PEX11G: variants seen among roughly 807,000 people sequenced by gnomAD.
PEX11G encodes peroxisomal biogenesis factor 11 gamma, also known as peroxisomal membrane protein 11C.
Under a neutral mutation model 22.5 loss-of-function variants are expected in PEX11G, and 20 were observed. The ratio of observed to expected loss-of-function variants is 0.89; its 90% CI spans 0.62 to 1.29. The LOEUF is 1.29. Ranked by LOEUF, PEX11G falls within the 50% of genes most tolerant of loss-of-function variation. The pLI, the probability that PEX11G is intolerant of heterozygous loss-of-function variation, is 0.00. For missense variants in PEX11G, 347 were observed against 331.3 expected (o/e 1.05, Z -0.37); for synonymous variants, 141 against 154.5 (o/e 0.91, Z 0.65).
chr19:7,477,425 CG>C lies in PEX11G; in HGVS notation c.502del (p.Arg168GlyfsTer46). On this transcript the variant is annotated frameshift_variant, in exon 5 of 5. Transcript: ENST00000221480. LOFTEE classifies it low-confidence loss of function (END_TRUNC). ...CGCCTCCATGGCCCTCCGCTTGCCCCGGGGCAGCGGGCTGTGGGGCAGAGAG... is the reference window on the plus strand; with the variant it reads ...CGCCTCCATGGCCCTCCGCTTGCCCCGGGCAGCGGGCTGTGGGGCAGAGAG... ...PTAPFTSPLP[R>X]GKRRAMEAQM... 6.9e-7 allele frequency: 1 copy of C among 1,450,816 alleles called. No homozygotes were observed. The allele number at this position is 1,450,816 out of a possible 1,614,324, so 89.9% of individuals were successfully genotyped here.
upstream of PEX11G, among the ~76,000 whole-genome samples, chr19:7,491,619 C>T (rs952286815): frequency 6.6e-6 from 1 of 151,816 alleles, no homozygotes; most frequent in Non-Finnish European, 1.5e-5. Context: ...CCATTTGTGT[C>T]GGCCTCTTCC....
upstream of PEX11G, chr19:7,489,394 C>T (rs2021823803): frequency 9.7e-7 from 1 of 1,033,814 alleles, no homozygotes; most frequent in South Asian, 3.9e-5. Flanking sequence ...AGTTTTTGTG[C>T]TTCACCTTTT....
At chr19:7,492,633 G>C (rs980622229), upstream of PEX11G, among the ~76,000 whole-genome samples, 15 of 152,190 alleles carry the variant, frequency 9.9e-5, no homozygotes, top group Admixed American at 7.9e-4. Flanking sequence ...GTAGAGACGG[G>C]GTTTCGCCAT....
At chr19:7,490,481 G>A (rs1285920829), upstream of PEX11G, among the ~76,000 whole-genome samples, 2 of 134,956 alleles carry the variant, frequency 1.5e-5, no homozygotes, top group Admixed American at 8.2e-5. Context: ...CCGCCACCAC[G>A]CCTGGGTAAT....
rs747422959 is a variant in PEX11G at position 7,477,401 on chromosome 19, G to A, written c.527C>T (p.Ala176Val). 5 of 1,510,086 alleles carry A rather than the reference G, an allele frequency of 3.3e-6. No homozygotes were observed. Among genetic ancestry groups the A allele is most frequent in the Non-Finnish European group, 4.4e-6 (5 of 1,132,618 alleles). The allele number at this position is 1,510,086 out of a possible 1,614,324, so 93.5% of individuals were successfully genotyped here. ...TGACAGCGCCTCCGACTGCATCTGC[G>A]CCTCCATGGCCCTCCGCTTGCCCCG... Reference protein sequence around the residue: ...LPRGKRRAMEAQMQSEALSLL... With the variant: ...LPRGKRRAMEVQMQSEALSLL... Residue 176 changes from alanine (A) to valine (V), a missense_variant, in exon 5 of 5, where the codon GCG becomes GTG. By Grantham distance (64) the Ala-to-Val change is moderately conservative. Transcript: ENST00000221480.
intron 3 of PEX11G, among the ~76,000 whole-genome samples, chr19:7,478,730 G>T (rs779226773): frequency 6.6e-6 from 1 of 152,238 alleles, no homozygotes; most frequent in Non-Finnish European, 1.5e-5. Flanking sequence ...CAAGAGGCCC[G>T]CAGTTGGACA....
chr19:7,480,358 G>A (rs1005374900), intron 3 of PEX11G, among the ~76,000 whole-genome samples: 1 of 152,202 alleles, frequency 6.6e-6, no homozygotes, highest in Non-Finnish European at 1.5e-5. Flanking sequence ...AAGAGAGGCT[G>A]TGAGCCAAGG....
rs115751177 is a variant in PEX11G at position 7,477,449 on chromosome 19, G to A, written c.492-13C>T. The A allele has an allele frequency of 2.7e-3, 3,770 of 1,420,644 alleles. 56 individuals carry two copies. The African/African-American group carries it at 0.035, about 13-fold the overall frequency. The allele number at this position is 1,420,644 out of a possible 1,614,324, so 88.0% of individuals were successfully genotyped here. A position where few individuals can be genotyped will look rare whatever the true frequency, so the allele number is the denominator to read the frequency against. On this transcript the variant is annotated splice_polypyrimidine_tract_variant and intron_variant, in intron 4 of 4. Coordinates refer to ENST00000221480, the MANE Select transcript of PEX11G (RefSeq NM_080662.4). ...CCGGGGCAGCGGGCTGTGGGGCAGA[G>A]AGGGGCCGCTTACACTCACGCTCAC...
chr19:7,481,926 G>T, intron 3 of PEX11G, 107 bp downstream of exon 3: 1 of 1,151,966 alleles, frequency 8.7e-7, no homozygotes, highest in Non-Finnish European at 1.2e-6. Flanking sequence ...AAGAGGCAAA[G>T]ACCCACCGCA....
chr19:7,485,866 T>C lies in PEX11G; in HGVS notation c.221A>G (p.Tyr74Cys), dbSNP rs1282672185. The C allele has an allele frequency of 9.9e-6, 16 of 1,611,698 alleles. No homozygotes were observed. The highest frequency in any genetic ancestry group is 1.3e-5 in the Non-Finnish European group (15 of 1,178,088). Reference protein sequence around the residue: ...RLFDDLAMFVYTKQYGLGAQE... With the variant: ...RLFDDLAMFVCTKQYGLGAQE... ...TGCCCCCAGGCCATATTGCTTAGTG[T>C]AGACAAACATGGCCAGGTCATCAAA... The change falls in exon 2 of 5, where the codon TAC (tyrosine) becomes TGC (cysteine). Residue 74 changes from tyrosine to cysteine, a missense_variant. Tyr to Cys is a radical substitution (Grantham distance 194, BLOSUM62 -2). Coordinates refer to ENST00000221480, the MANE Select transcript of PEX11G (RefSeq NM_080662.4).
chr19:7,486,027 C>G lies in PEX11G; in HGVS notation c.61-1G>C, dbSNP rs746416028. ...GGCAGCAGTACCCCAGCACTCGGAT[C>G]TGTGGGAAACCAGAAGCAGTCAGTG... On this transcript the variant is annotated splice_acceptor_variant, in intron 1 of 4. Transcript: ENST00000221480. LOFTEE classifies it high-confidence loss of function. 2.7e-5 allele frequency: 43 copies of G among 1,583,462 alleles called. No homozygotes were observed. The South Asian group carries it at 4.5e-4, about 17-fold the overall frequency.
chr19:7,489,074 T>A, upstream of PEX11G: 2 of 1,427,752 alleles, frequency 1.4e-6, no homozygotes, highest in Non-Finnish European at 9.1e-7. Flanking sequence ...CAGGCCGGGG[T>A]ACCGGGAGCG....
chr19:7,491,620 G>A (rs114745148), upstream of PEX11G, among the ~76,000 whole-genome samples: 2,854 of 151,488 alleles, frequency 0.019, 65 homozygotes, highest in Middle Eastern at 0.051. Flanking sequence ...CATTTGTGTC[G>A]GCCTCTTCCA....
upstream of PEX11G, among the ~76,000 whole-genome samples, chr19:7,492,235 T>C (rs1568385894): frequency 6.6e-6 from 1 of 152,212 alleles, no homozygotes; most frequent in Non-Finnish European, 1.5e-5. Context: ...GTTGAACTTT[T>C]TGAGTAATTG....
upstream of PEX11G, among the ~76,000 whole-genome samples, chr19:7,493,240 T>G (rs2021920593): frequency 6.6e-6 from 1 of 152,132 alleles, no homozygotes; most frequent in South Asian, 2.1e-4. Flanking sequence ...TTGCCCAGGC[T>G]GGAGTGCAGT....
intron 3 of PEX11G, among the ~76,000 whole-genome samples, chr19:7,480,747 G>A (rs73488447): frequency 0.053 from 8,050 of 152,146 alleles, 744 homozygotes; most frequent in African/African-American, 0.18. Context: ...CCAGAAAAAG[G>A]ACACAGCCTG....
chr19:7,489,142 T>C (rs2021813046), upstream of PEX11G: 3 of 1,226,814 alleles, frequency 2.4e-6, no homozygotes, highest in Non-Finnish European at 3.2e-6. Context: ...ACCGGCTTTT[T>C]GTCCGCTGTA....
intron 2 of PEX11G, among the ~76,000 whole-genome samples, chr19:7,483,069 T>TCGGGACCCCACCCCCC (rs1977575486): frequency 1.6e-5 from 2 of 121,282 alleles, no homozygotes; most frequent in African/African-American, 6.8e-5. Flanking sequence ...ACCCGCCCCC[T>TCGGGACCCCACCCCCC]TGGGACCCCA....
At chr19:7,477,468 C>T (rs752693004) in intron 4 of PEX11G, 32 bp from the exon 5 acceptor site, 14 of 1,383,490 alleles carry the variant, frequency 1.0e-5, no homozygotes, top group South Asian at 1.6e-5. Context: ...CTTACACTCA[C>T]GCTCACACCT....
Sources: gnomAD v4.1 joint callset for allele counts (sites outside exome capture counted in the v4.1 genomes callset) on GRCh38, gnomAD v4.1.1 for gene constraint, MANE v1.5 for transcripts, NCBI Gene and HGNC (gene_info 2026-07-23, HGNC 2026-07-21) for gene names.